The following COLGALT2 variants were observed in gnomAD, a reference collection of about 807,000 sequenced individuals.
COLGALT2 encodes collagen beta(1-O)galactosyltransferase 2.
COLGALT2 carries 49 observed loss-of-function variants against 73.4 expected under a neutral mutation model. The observed-to-expected ratio is 0.67, with a 90% CI of 0.53 to 0.85. The LOEUF is 0.85. Ranked by LOEUF, COLGALT2 falls within the 40% of genes least tolerant of loss-of-function variation. The pLI is 0.00. For missense variants in COLGALT2, 722 were observed against 790.2 expected, an observed-to-expected ratio of 0.91 and a Z score of 1.03; for synonymous variants, 295 against 307.6, an observed-to-expected ratio of 0.96 and a Z score of 0.43.
chr1:184,006,307 G>A (rs530624997), intron 1 of COLGALT2, among the ~76,000 whole-genome samples: 3 of 152,056 alleles, frequency 2.0e-5, no homozygotes, highest in Non-Finnish European at 2.9e-5. Context: ...AGTATGGGCC[G>A]GGCACGGTGG....
chr1:183,985,957 C>T (rs1671478489), intron 1 of COLGALT2, among the ~76,000 whole-genome samples: 2 of 152,186 alleles, frequency 1.3e-5, no homozygotes, highest in South Asian at 4.1e-4. Flanking sequence ...AAATAAACAG[C>T]TCCACCTAAA....
At chr1:183,947,459 A>C (rs1670282597) in intron 8 of COLGALT2, among the ~76,000 whole-genome samples, 1 of 152,236 alleles carries the variant, frequency 6.6e-6, no homozygotes, top group African/African-American at 2.4e-5. Context: ...AACCAAAGGA[A>C]ACTTGGGAAA....
chr1:183,977,242 C>T (rs1028458993), intron 2 of COLGALT2, among the ~76,000 whole-genome samples: 1 of 150,272 alleles, frequency 6.7e-6, no homozygotes, highest in Admixed American at 6.6e-5. Flanking sequence ...GAGGTCAAGG[C>T]GGGCAGATCA....
At chr1:184,014,079 T>C (rs1648920972) in intron 1 of COLGALT2, among the ~76,000 whole-genome samples, 1 of 152,142 alleles carries the variant, frequency 6.6e-6, no homozygotes, top group Non-Finnish European at 1.5e-5. Flanking sequence ...CTCTAGGTCT[T>C]GAGCTGGAGA....
Position 184,004,233 on chromosome 1 carries a change from T to A in COLGALT2, c.264-25713A>T, listed in dbSNP as rs147033607. 2.9e-3 allele frequency among the ~76,000 whole-genome samples: 445 copies of A among 152,288 alleles called. 2 individuals are homozygous for A. The highest frequency in any genetic ancestry group is 0.01 in the African/African-American group (435 of 41,548). On this transcript the variant is annotated intron_variant, in intron 1 of 11. Coordinates refer to ENST00000361927, the MANE Select transcript of COLGALT2 (RefSeq NM_015101.4). ...AACCTAAGATGTAAAAGGTTGTCAC[T>A]CTTCCCTAACCATGGCAAGGTGCAA...
intron 8 of COLGALT2, among the ~76,000 whole-genome samples, chr1:183,950,795 G>T (rs1436071075): frequency 6.6e-6 from 1 of 152,162 alleles, no homozygotes; most frequent in Non-Finnish European, 1.5e-5. Flanking sequence ...TCAGTGTAAT[G>T]AAGACCAAAG....
chr1:184,001,018 AG>A (rs1319764227), intron 1 of COLGALT2, among the ~76,000 whole-genome samples: 2 of 151,998 alleles, frequency 1.3e-5, no homozygotes, highest in East Asian at 3.9e-4. Context: ...TCTTTTTAGT[AG>A]AGACGGGGTT....
intron 1 of COLGALT2, among the ~76,000 whole-genome samples, chr1:183,997,420 C>T (rs771138349): frequency 6.6e-6 from 1 of 152,174 alleles, no homozygotes; most frequent in Non-Finnish European, 1.5e-5. Context: ...GGCCAATAAT[C>T]TCTAGTCTGA....
At chr1:183,981,580 C>T (rs1320681834) in intron 1 of COLGALT2, among the ~76,000 whole-genome samples, 3 of 152,132 alleles carry the variant, frequency 2.0e-5, no homozygotes, top group Admixed American at 6.5e-5. Context: ...TCGCTTGAAC[C>T]TGCAAGGTGG....
At chr1:184,022,205 T>C (rs1229862049) in intron 1 of COLGALT2, among the ~76,000 whole-genome samples, 1 of 152,220 alleles carries the variant, frequency 6.6e-6, no homozygotes, top group Non-Finnish European at 1.5e-5. Flanking sequence ...GATAAGACAG[T>C]TGAATTTCTA....
Position 183,944,465 on chromosome 1 carries a change from T to G in COLGALT2, c.1270-142A>C, listed in dbSNP as rs1375055661. On this transcript the variant is annotated intron_variant, in intron 9 of 11. Transcript: ENST00000361927. ...AAGCAAATGGCCATCAACAGTAGAA[T>G]AGATAATAAACTTTGGAATATTCAC... 8.0e-6 allele frequency: 7 copies of G among 878,766 alleles called. No homozygotes were observed. In the East Asian group the frequency reaches 2.0e-4, roughly 25 times the overall value. The allele number at this position is 878,766 out of a possible 1,614,324, so 54.4% of individuals were successfully genotyped here. A position where few individuals can be genotyped will look rare whatever the true frequency, so the allele number is the denominator to read the frequency against.
chr1:184,037,641 T>C lies in COLGALT2; in HGVS notation c.-284A>G, dbSNP rs1295653682. On this transcript the variant is annotated 5_prime_UTR_variant, in exon 1 of 12. Coordinates refer to ENST00000361927, the MANE Select transcript of COLGALT2 (RefSeq NM_015101.4). ...GCAGACAGTAGTGGCCGAGGGGCTG[T>C]GTGCCCTGAGTCCTGAGGAAAGTTC... The C allele has an allele frequency of 3.8e-6, 4 of 1,045,572 alleles. No homozygotes were observed. The highest frequency in any genetic ancestry group is 1.6e-4 in the East Asian group (2 of 12,384). 64.8% of individuals were successfully genotyped at this position (1,045,572 alleles called of 1,614,324 possible).
At chr1:183,954,460 A>T (rs1306061831) in intron 7 of COLGALT2, among the ~76,000 whole-genome samples, 1 of 152,252 alleles carries the variant, frequency 6.6e-6, no homozygotes, top group Non-Finnish European at 1.5e-5. Flanking sequence ...GAATTTTGAT[A>T]AAAAGGTTGA....
chr1:184,016,446 C>T (rs1452320208), intron 1 of COLGALT2, among the ~76,000 whole-genome samples: 1 of 152,144 alleles, frequency 6.6e-6, no homozygotes, highest in Admixed American at 6.5e-5. Context: ...TCAGAAAGCA[C>T]TAACATAGAA....
intron 7 of COLGALT2, among the ~76,000 whole-genome samples, chr1:183,954,094 G>A (rs1283707236): frequency 6.6e-6 from 1 of 152,208 alleles, no homozygotes; most frequent in Non-Finnish European, 1.5e-5. Flanking sequence ...ACCCATGAGA[G>A]AGTCAGTGAT....
At chr1:183,986,943 A>G (rs1452971446) in intron 1 of COLGALT2, among the ~76,000 whole-genome samples, 1 of 152,154 alleles carries the variant, frequency 6.6e-6, no homozygotes, top group Non-Finnish European at 1.5e-5. Flanking sequence ...CAAAGAGTAG[A>G]TGACCAGGAA....
intron 10 of COLGALT2, among the ~76,000 whole-genome samples, chr1:183,943,295 C>T (rs1437082356): frequency 1.3e-5 from 2 of 152,206 alleles, no homozygotes; most frequent in African/African-American, 4.8e-5. Context: ...AGGGACAGCT[C>T]CTCTGCTGCA....
At chr1:183,945,779 C>T in intron 8 of COLGALT2, 1 of 574,164 alleles carries the variant, frequency 1.7e-6, no homozygotes, top group East Asian at 2.9e-5. Context: ...TTTGTGTATC[C>T]CTCATAGTGC....
chr1:184,016,599 C>T (rs1426544015), intron 1 of COLGALT2, among the ~76,000 whole-genome samples: 1 of 152,230 alleles, frequency 6.6e-6, no homozygotes, highest in East Asian at 1.9e-4. Context: ...AGGATTGAAT[C>T]TAGCTTTTGT....
Sources: gnomAD v4.1 joint callset for allele counts (sites outside exome capture counted in the v4.1 genomes callset) on GRCh38, gnomAD v4.1.1 for gene constraint, MANE v1.5 for transcripts, NCBI Gene and HGNC (gene_info 2026-07-23, HGNC 2026-07-21) for gene names.